The following TBC1D22A variants were observed in gnomAD, a reference collection of about 807,000 sequenced individuals.
The protein encoded by TBC1D22A is TBC1 domain family member 22A, also known as putative GTPase activator.
Under a neutral mutation model 60.2 loss-of-function variants are expected in TBC1D22A, and 38 were observed. The ratio of observed to expected loss-of-function variants is 0.63; its 90% CI spans 0.49 to 0.83. The LOEUF is 0.83. Ranked by LOEUF, TBC1D22A falls within the 40% of genes least tolerant of loss-of-function variation. The pLI, the probability that TBC1D22A is intolerant of heterozygous loss-of-function variation, is 0.00. For synonymous variants in TBC1D22A, 302 were observed against 281.7 expected (o/e 1.07, Z -0.72); for missense variants, 628 against 701.0 (o/e 0.90, Z 1.18).
intron 4 of TBC1D22A, among the ~76,000 whole-genome samples, chr22:46,863,169 T>TC (rs956204953): frequency 2.0e-4 from 30 of 152,188 alleles, no homozygotes; most frequent in African/African-American, 7.0e-4. Flanking sequence ...ATGCGCCCCG[T>TC]CCTCCCAGGG....
intron 8 of TBC1D22A, among the ~76,000 whole-genome samples, chr22:46,920,236 C>T (rs145813265): frequency 7.0e-4 from 107 of 152,246 alleles, no homozygotes; most frequent in Admixed American, 1.9e-3. Context: ...TGCACCACCA[C>T]GCCTGACTAA....
chr22:47,165,484 A>C (rs1310671538), intron 12 of TBC1D22A, among the ~76,000 whole-genome samples: 1 of 152,016 alleles, frequency 6.6e-6, no homozygotes, highest in Non-Finnish European at 1.5e-5. Context: ...CTCCAGGGAC[A>C]GTGCTTGGAG....
At chr22:47,164,133 A>G (rs1261493023) in intron 12 of TBC1D22A, among the ~76,000 whole-genome samples, 1 of 152,214 alleles carries the variant, frequency 6.6e-6, no homozygotes, top group Non-Finnish European at 1.5e-5. Flanking sequence ...GCCAAGGGTG[A>G]GGCAAAGCTG....
chr22:46,763,976 C>T (rs2083199872), intron 1 of TBC1D22A: 1 of 152,316 alleles, frequency 6.6e-6, no homozygotes, highest in Non-Finnish European at 1.5e-5. Context: ...TGCCTGTAAT[C>T]CTGGCTACTT....
At chr22:46,933,426 C>T (rs2071466392) in intron 8 of TBC1D22A, among the ~76,000 whole-genome samples, 1 of 152,186 alleles carries the variant, frequency 6.6e-6, no homozygotes, top group South Asian at 2.1e-4. Context: ...TTAGTCGAAG[C>T]CATGGAGATG....
At chr22:47,128,705 C>T (rs576955232) in intron 12 of TBC1D22A, among the ~76,000 whole-genome samples, 52 of 152,230 alleles carry the variant, frequency 3.4e-4, no homozygotes, top group Admixed American at 7.2e-4. Flanking sequence ...GCAGCTGGAA[C>T]CCAAGCCCGG....
At chr22:47,020,060 A>C (rs943974753) in intron 10 of TBC1D22A, among the ~76,000 whole-genome samples, 2 of 151,862 alleles carry the variant, frequency 1.3e-5, no homozygotes, top group African/African-American at 4.8e-5. Context: ...CTCAGCCATC[A>C]GTCCATCCAT....
At chr22:46,811,803 G>T (rs765876543) in intron 4 of TBC1D22A, among the ~76,000 whole-genome samples, 7 of 152,140 alleles carry the variant, frequency 4.6e-5, no homozygotes, top group Admixed American at 6.5e-5. Context: ...ATGCAGCTGG[G>T]GTCTGTTCTT....
At chr22:46,894,666 G>A in intron 6 of TBC1D22A, 118 bp from the exon 7 acceptor site, 1 of 1,196,698 alleles carries the variant, frequency 8.4e-7, no homozygotes, top group East Asian at 2.4e-5. Context: ...AATCCTCAAG[G>A]AGAGAGCGGG....
At chr22:46,950,128 A>C (rs2072809571) in intron 8 of TBC1D22A, among the ~76,000 whole-genome samples, 1 of 152,176 alleles carries the variant, frequency 6.6e-6, no homozygotes, top group South Asian at 2.1e-4. Flanking sequence ...AGTTGGAGTG[A>C]TCGGTGGTGG....
At chr22:47,012,517 G>A (rs889829522) in intron 10 of TBC1D22A, among the ~76,000 whole-genome samples, 2 of 152,164 alleles carry the variant, frequency 1.3e-5, no homozygotes, top group African/African-American at 2.4e-5. Flanking sequence ...TGGAAGAGGG[G>A]TATGGCCTTG....
intron 1 of TBC1D22A, among the ~76,000 whole-genome samples, chr22:46,770,477 T>A (rs2083445978): frequency 6.6e-6 from 1 of 152,196 alleles, no homozygotes; most frequent in Non-Finnish European, 1.5e-5. Flanking sequence ...ACAGCAGCTG[T>A]GAAGAGTTGG....
chr22:47,166,306 C>G (rs1220131256), intron 12 of TBC1D22A, among the ~76,000 whole-genome samples: 3 of 152,022 alleles, frequency 2.0e-5, no homozygotes, highest in Non-Finnish European at 4.4e-5. Context: ...ACAGTGCTGT[C>G]CAGAAGGAAT....
At chr22:47,115,874 G>A (rs75424872) in intron 12 of TBC1D22A, 3,626 of 152,336 alleles carry the variant, frequency 0.024, 64 homozygotes, top group South Asian at 0.07. Flanking sequence ...ACCGGCTGGG[G>A]GTGTAGTTTA....
intron 11 of TBC1D22A, among the ~76,000 whole-genome samples, chr22:47,106,102 G>A (rs1010575723): frequency 3.3e-5 from 5 of 152,156 alleles, no homozygotes; most frequent in African/African-American, 9.7e-5. Flanking sequence ...TAATGAACTA[G>A]AAGAGATATT....
chr22:46,844,632 C>T (rs2086912913), intron 4 of TBC1D22A, among the ~76,000 whole-genome samples: 1 of 152,248 alleles, frequency 6.6e-6, no homozygotes, highest in Non-Finnish European at 1.5e-5. Context: ...AGAGGTGGGG[C>T]CGAGTGATTC....
At chr22:47,119,098 G>A (rs898553181) in intron 12 of TBC1D22A, among the ~76,000 whole-genome samples, 9 of 152,018 alleles carry the variant, frequency 5.9e-5, no homozygotes, top group East Asian at 3.9e-4. Flanking sequence ...GCAGTGAGCC[G>A]AGACCACACC....
At chr22:46,969,714 G>A (rs560781774) in intron 8 of TBC1D22A, among the ~76,000 whole-genome samples, 5 of 152,196 alleles carry the variant, frequency 3.3e-5, no homozygotes, top group South Asian at 2.1e-4. Flanking sequence ...ACCACCTTGC[G>A]GGCTCTTTGG....
At chr22:47,113,834 C>T (rs1642252533) in intron 12 of TBC1D22A, among the ~76,000 whole-genome samples, 1 of 152,124 alleles carries the variant, frequency 6.6e-6, no homozygotes, top group Admixed American at 6.5e-5. Context: ...GGGTGAAGGA[C>T]AGGAGATAGG....
Sources: allele counts gnomAD v4.1 joint callset (sites outside exome capture counted in the v4.1 genomes callset), GRCh38; gene constraint gnomAD v4.1.1; transcripts MANE v1.5; gene names NCBI Gene and HGNC (gene_info 2026-07-23, HGNC 2026-07-21).